Variants in UBR3 observed in about 807,000 individuals in gnomAD.
UBR3 encodes the protein E3 ubiquitin-protein ligase UBR3.
Under a neutral mutation model 243.2 loss-of-function variants are expected in UBR3, and 85 were observed. The observed-to-expected ratio is 0.35, with a 90% CI of 0.29 to 0.42. UBR3 has a LOEUF of 0.42. Among genes scored for constraint, UBR3 ranks in the 10% least tolerant of loss-of-function variants. The pLI, the probability that UBR3 is intolerant of heterozygous loss-of-function variation, is 1.00. For missense variants in UBR3, 1,686 were observed against 2,300.8 expected, an observed-to-expected ratio of 0.73 and a Z score of 5.47; for synonymous variants, 748 against 799.8, an observed-to-expected ratio of 0.94 and a Z score of 1.09.
At chr2:170,080,860 C>T (rs2091893387) in intron 38 of UBR3, among the ~76,000 whole-genome samples, 176 bp downstream of exon 38, 1 of 152,068 alleles carries the variant, frequency 6.6e-6, no homozygotes, top group African/African-American at 2.4e-5. Flanking sequence ...GTTGAGGAAA[C>T]ATGAAATACA....
At chr2:169,908,365 C>T (rs936339697) in intron 10 of UBR3, among the ~76,000 whole-genome samples, 3 of 152,188 alleles carry the variant, frequency 2.0e-5, no homozygotes, top group African/African-American at 7.2e-5. Flanking sequence ...TCTCAAGACT[C>T]AGATATATAA....
chr2:169,899,328 GTT>G (rs1209239815), intron 8 of UBR3, among the ~76,000 whole-genome samples: 1 of 152,028 alleles, frequency 6.6e-6, no homozygotes, highest in Non-Finnish European at 1.5e-5. Context: ...TTATGTTTTA[GTT>G]TTACTAACTT....
At chr2:169,862,236 G>C (rs1191435911) in intron 1 of UBR3, among the ~76,000 whole-genome samples, 1 of 151,504 alleles carries the variant, frequency 6.6e-6, no homozygotes, top group Non-Finnish European at 1.5e-5. Context: ...TGGTACCTTA[G>C]GGCCCACTAA....
Position 169,929,873 on chromosome 2 carries a change from T to A in UBR3, c.2566+1005T>A, listed in dbSNP as rs553132456. ...GTCTAAATGAAAAACCAATGCCCAT[T>A]TTGAAGTTGTAAATAATATACACTG... On this transcript the variant is annotated intron_variant, in intron 18 of 38. Transcript: ENST00000272793. Among the ~76,000 whole-genome samples, 38 of 152,248 alleles carry A rather than the reference T, an allele frequency of 2.5e-4. 1 individual carries two copies. The highest frequency in any genetic ancestry group is 8.4e-4 in the African/African-American group (35 of 41,532).
intron 35 of UBR3, among the ~76,000 whole-genome samples, chr2:170,066,969 T>C (rs573051314): frequency 2.6e-4 from 27 of 102,246 alleles, no homozygotes; most frequent in Admixed American, 2.2e-3. Context: ...GTCTCTAAAA[T>C]AATAATAATA....
chr2:169,976,014 T>C (rs1198877075), intron 24 of UBR3, among the ~76,000 whole-genome samples: 1 of 152,084 alleles, frequency 6.6e-6, no homozygotes, highest in African/African-American at 2.4e-5. Context: ...CTTTTTCATT[T>C]GCTTGAAATT....
At chr2:169,856,588 C>A (rs903635949) in intron 1 of UBR3, among the ~76,000 whole-genome samples, 1 of 152,176 alleles carries the variant, frequency 6.6e-6, no homozygotes, top group Non-Finnish European at 1.5e-5. Context: ...CCCGGCACCT[C>A]GGGAGGCCGA....
intron 11 of UBR3, among the ~76,000 whole-genome samples, chr2:169,914,472 C>T (rs531663833): frequency 3.9e-5 from 6 of 152,134 alleles, no homozygotes; most frequent in Middle Eastern, 6.8e-3. Context: ...ATAAAAGTGA[C>T]AATGCAAATG....
rs183136910 is a variant in UBR3 at position 169,942,695 on chromosome 2, A to G, written c.2805+61A>G. 9 of 1,396,266 alleles carry G rather than the reference A, an allele frequency of 6.4e-6. No individual in the cohort carries two copies. In the Admixed American group the frequency reaches 9.1e-5, roughly 14 times the overall value. 86.5% of individuals were successfully genotyped at this position (1,396,266 alleles called of 1,614,324 possible). A position where few individuals can be genotyped will look rare whatever the true frequency, so the allele number is the denominator to read the frequency against. ...GAATTTATTTTCAAATAATAATCCT[A>G]AAGGATAATATTTACATAAAAGTAC... is the stretch of plus-strand genomic sequence containing the variant. On this transcript the variant is annotated intron_variant, in intron 20 of 38. Coordinates refer to ENST00000272793, the MANE Select transcript of UBR3 (RefSeq NM_172070.4).
intron 19 of UBR3, among the ~76,000 whole-genome samples, chr2:169,939,387 T>A (rs533915036): frequency 2.0e-5 from 3 of 151,426 alleles, no homozygotes; most frequent in Non-Finnish European, 2.9e-5. Flanking sequence ...GCCTCCTGAG[T>A]AGCTGGGACT....
chr2:169,884,883 T>C (rs1181716159), intron 5 of UBR3, among the ~76,000 whole-genome samples: 1 of 152,192 alleles, frequency 6.6e-6, no homozygotes, highest in African/African-American at 2.4e-5. Flanking sequence ...GCAATAATTA[T>C]TATAGAATAG....
chr2:169,924,951 T>C (rs1041716448), intron 13 of UBR3, among the ~76,000 whole-genome samples: 2 of 152,288 alleles, frequency 1.3e-5, no homozygotes, highest in Non-Finnish European at 2.9e-5. Flanking sequence ...GAAGAATTGC[T>C]TGAACCTGGG....
chr2:169,998,864 C>T (rs949154495), intron 26 of UBR3, among the ~76,000 whole-genome samples: 3 of 152,154 alleles, frequency 2.0e-5, no homozygotes, highest in African/African-American at 7.2e-5. Context: ...TGGGTTTGAA[C>T]TTATAACTTA....
intron 1 of UBR3, among the ~76,000 whole-genome samples, chr2:169,855,872 C>CA (rs2082827586): frequency 6.6e-6 from 1 of 152,256 alleles, no homozygotes; most frequent in Non-Finnish European, 1.5e-5. Context: ...GTACACCTCC[C>CA]AGACGGGGTG....
intron 26 of UBR3, among the ~76,000 whole-genome samples, chr2:170,000,193 A>G (rs560304960): frequency 3.9e-5 from 6 of 152,208 alleles, no homozygotes; most frequent in Admixed American, 3.3e-4. Flanking sequence ...TAGTTTGCTT[A>G]TATAGTCTGG....
chr2:169,947,567 G>C lies in UBR3; in HGVS notation c.2936G>C (p.Cys979Ser). Reference sequence around the variant, plus strand: ...GCATCAGTGGGTGGACCAGAACGTTGTCATGACAGTTGGTTTCCTGGCAGT... The same window carrying C: ...GCATCAGTGGGTGGACCAGAACGTTCTCATGACAGTTGGTTTCCTGGCAGT... ...EEASVGGPER[C>S]HDSWFPGSNL... is the part of the protein sequence containing the mutation. Residue 979 changes from cysteine to serine, a missense_variant, in exon 22 of 39, where the codon TGT (cysteine) becomes TCT (serine). Physicochemically the swap from Cys to Ser is moderately radical, Grantham distance 112. This residue lies in a region of UBR3 where 300 missense variants were observed against 314.4 expected (regional missense o/e 0.95). Transcript: ENST00000272793. 1 of 1,513,750 alleles carries C rather than the reference G, an allele frequency of 6.6e-7. No individual in the cohort carries two copies. The highest frequency in any genetic ancestry group is 8.8e-7 in the Non-Finnish European group (1 of 1,130,460). The allele number at this position is 1,513,750 out of a possible 1,614,324, so 93.8% of individuals were successfully genotyped here.
In UBR3 at chr2:169,927,397, C is replaced by A; in HGVS notation, c.2416C>A (p.Leu806Met). 1 of 1,547,996 alleles carries A rather than the reference C, an allele frequency of 6.5e-7. No homozygotes were observed. Among genetic ancestry groups the A allele is most frequent in the Non-Finnish European group, 8.7e-7 (1 of 1,145,314 alleles). The change falls in exon 17 of 39, where the codon CTG becomes ATG. Residue 806 changes from leucine to methionine, a missense_variant. This residue lies in a region of UBR3 where 346 missense variants were observed against 585.8 expected (regional missense o/e 0.59). Coordinates refer to ENST00000272793, the MANE Select transcript of UBR3 (RefSeq NM_172070.4). ...CMNDRTHSSL[L>M]DLIPENPNPK... The stretch of plus-strand genomic sequence containing the variant: ...GAATGACAGGACACACAGTTCATTG[C>A]TGGACCTCATATCCTTTTAAAATTT...
intron 35 of UBR3, among the ~76,000 whole-genome samples, chr2:170,070,593 T>C (rs1302727735): frequency 1.3e-5 from 2 of 152,098 alleles, no homozygotes; most frequent in African/African-American, 4.8e-5. Context: ...ATAAGGAATC[T>C]CCAAAGAAAC....
At position 169,884,932 on chromosome 2, in the gene UBR3, A is replaced by G. The variant is rs76678674; in HGVS notation, c.1039-6233A>G. On this transcript the variant is annotated intron_variant, in intron 5 of 38. Coordinates refer to ENST00000272793, the MANE Select transcript of UBR3 (RefSeq NM_172070.4). ...GAAAATAGATGAAGGGATAAGATAG[A>G]TGGAAAGAGGTTGATAGAGGAAGAG... 1.9e-3 allele frequency among the ~76,000 whole-genome samples: 296 copies of G among 152,354 alleles called. 8 individuals are homozygous for G. The East Asian group carries it at 0.053, about 27-fold the overall frequency.
Sources: gnomAD v4.1 joint callset for allele counts (sites outside exome capture counted in the v4.1 genomes callset) on GRCh38, gnomAD v4.1.1 for gene constraint, gnomAD v4.1.1 regional missense constraint, MANE v1.5 for transcripts, NCBI Gene and HGNC (gene_info 2026-07-23, HGNC 2026-07-21) for gene names.